The following ATF6 variants were observed in gnomAD, a reference collection of about 807,000 sequenced individuals.
The protein encoded by ATF6 is activating transcription factor 6, also known as cyclic AMP-dependent transcription factor ATF-6 alpha.
Under a neutral mutation model 83.6 loss-of-function variants are expected in ATF6, and 53 were observed. That is an observed-to-expected ratio of 0.63 (90% CI 0.51 to 0.80). ATF6 has a LOEUF of 0.80. ATF6 is among the 30% of genes least tolerant of loss of function. ATF6 has a pLI of 0.00. For synonymous variants in ATF6, 288 were observed against 285.8 expected, an observed-to-expected ratio of 1.01 and a Z score of -0.08; for missense variants, 744 against 797.9, an observed-to-expected ratio of 0.93 and a Z score of 0.81.
chr1:161,788,250 C>G (rs1684793427), intron 4 of ATF6, among the ~76,000 whole-genome samples: 1 of 152,166 alleles, frequency 6.6e-6, no homozygotes, highest in Non-Finnish European at 1.5e-5. Context: ...TACTCCATGG[C>G]ACAATGTGTT....
chr1:161,904,556 C>G (rs1053994877), intron 14 of ATF6, among the ~76,000 whole-genome samples: 1 of 151,884 alleles, frequency 6.6e-6, no homozygotes, highest in Non-Finnish European at 1.5e-5. Context: ...CTACTGTACT[C>G]CAGCCTGGGT....
At chr1:161,851,970 A>G in intron 11 of ATF6, 135 bp downstream of exon 11, 1 of 642,068 alleles carries the variant, frequency 1.6e-6, no homozygotes, top group Non-Finnish European at 2.7e-6. Context: ...CTGTAGGCAT[A>G]TTAGTTGTCC....
At chr1:161,824,632 A>G (rs1237584164) in intron 9 of ATF6, among the ~76,000 whole-genome samples, 2 of 152,244 alleles carry the variant, frequency 1.3e-5, no homozygotes, top group Non-Finnish European at 2.9e-5. Flanking sequence ...TAGTTACTCA[A>G]TAAATACTTG....
At chr1:161,769,759 C>T (rs756260502) in intron 1 of ATF6, among the ~76,000 whole-genome samples, 23 of 152,072 alleles carry the variant, frequency 1.5e-4, no homozygotes, top group Non-Finnish European at 1.8e-4. Flanking sequence ...AAGGAGCGTG[C>T]ACTCTAGATC....
rs1314146658 is a variant in ATF6 at position 161,846,560 on chromosome 1, T to C, written c.1299T>C (p.Ile433=). 1 of 1,605,060 alleles carries C rather than the reference T, an allele frequency of 6.2e-7. No homozygotes were observed. Among genetic ancestry groups the C allele is most frequent in the Admixed American group, 1.7e-5 (1 of 58,708 alleles). Residue 433 remains isoleucine (I), a synonymous_variant, in exon 10 of 16, where the codon ATT becomes ATC. Coordinates refer to ENST00000367942, the MANE Select transcript of ATF6 (RefSeq NM_007348.4). ...AKEAQDTSDG[I]IQKNSYRYDH... is the part of the protein sequence containing the mutation. Reference sequence around the variant, plus strand: ...AGGCACAGGACACATCAGATGGTATTATCCAGAAAAACAGCTACAGGTAAG... The same window carrying C: ...AGGCACAGGACACATCAGATGGTATCATCCAGAAAAACAGCTACAGGTAAG...
At chr1:161,774,218 GCTATGAGAATC>G (rs1684463100) in intron 1 of ATF6, among the ~76,000 whole-genome samples, 1 of 151,920 alleles carries the variant, frequency 6.6e-6, no homozygotes, top group African/African-American at 2.4e-5. Context: ...CTCTTCTGCC[GCTATGAGAATC>G]CTGATTCCCA....
intron 15 of ATF6, among the ~76,000 whole-genome samples, chr1:161,944,952 G>A (rs1688721811): frequency 7.0e-6 from 1 of 143,192 alleles, no homozygotes; most frequent in Non-Finnish European, 1.6e-5. Flanking sequence ...AAGGTTAAAT[G>A]CAGTGTTTGG....
At chr1:161,801,966 G>A (rs1376022300) in intron 6 of ATF6, 86 bp from the exon 7 acceptor site, 39 of 1,228,048 alleles carry the variant, frequency 3.2e-5, no homozygotes, top group African/African-American at 1.3e-4. Context: ...TACCCATTAC[G>A]TCTGCAGAAA....
chr1:161,836,603 T>A (rs1686223387), intron 9 of ATF6, among the ~76,000 whole-genome samples: 1 of 152,232 alleles, frequency 6.6e-6, no homozygotes, highest in African/African-American at 2.4e-5. Context: ...TAATTGGTTC[T>A]CTTTTCTCTG....
chr1:161,819,695 CAAG>C lies in ATF6; in HGVS notation c.981_983del (p.Lys328del). 3 of 1,612,284 alleles carry C rather than the reference CAAG, an allele frequency of 1.9e-6. No homozygotes were observed. Among genetic ancestry groups the C allele is most frequent in the Non-Finnish European group, 2.5e-6 (3 of 1,179,220 alleles). ...ATCGAGAATCCGCTTGTCAGTCTCG[CAAG>C]AAGAAGAAAGAATATATGCTAGGGT... On this transcript the variant is annotated inframe_deletion, in exon 8 of 16. Transcript: ENST00000367942.
At chr1:161,869,171 A>G (rs1687071686) in intron 14 of ATF6, among the ~76,000 whole-genome samples, 1 of 152,102 alleles carries the variant, frequency 6.6e-6, no homozygotes, top group Non-Finnish European at 1.5e-5. Flanking sequence ...TTTCAAAAAT[A>G]GCAATGATAT....
At chr1:161,937,271 G>A (rs1688553457) in intron 15 of ATF6, among the ~76,000 whole-genome samples, 1 of 149,926 alleles carries the variant, frequency 6.7e-6, no homozygotes, top group Non-Finnish European at 1.5e-5. Context: ...GTGAACCCAG[G>A]CAGCGGAGGT....
At position 161,792,141 on chromosome 1, in the gene ATF6, A is replaced by G. The variant is rs1571134518; in HGVS notation, c.502A>G (p.Lys168Glu). ...TTCTCCAGAAAATGGACTGACTCCA[A>G]AGAAAAAAATTCAGGTGAATTCAAA... Reference protein sequence around the residue: ...RNKTENGLTPKKKIQVNSKPS... With the variant: ...RNKTENGLTPEKKIQVNSKPS... The change falls in exon 6 of 16, where the codon AAG (lysine) becomes GAG (glutamate). Residue 168 changes from lysine (K) to glutamate (E), a missense_variant. By Grantham distance (56) the Lys-to-Glu change is moderately conservative. Transcript: ENST00000367942. 1.2e-6 allele frequency: 2 copies of G among 1,613,934 alleles called. No homozygotes were observed. The highest frequency in any genetic ancestry group is 1.3e-5 in the African/African-American group (1 of 75,052).
chr1:161,827,208 G>A (rs922420478), intron 9 of ATF6, among the ~76,000 whole-genome samples: 5 of 152,150 alleles, frequency 3.3e-5, no homozygotes, highest in African/African-American at 4.8e-5. Flanking sequence ...TGGGATTACA[G>A]GTGTGAGCCA....
At chr1:161,851,862 C>A in intron 11 of ATF6, 27 bp downstream of exon 11, 1 of 1,546,916 alleles carries the variant, frequency 6.5e-7, no homozygotes, top group Non-Finnish European at 8.9e-7. Context: ...ATTGCAGAAA[C>A]ATCTGAGTTG....
chr1:161,834,007 A>G, intron 9 of ATF6, among the ~76,000 whole-genome samples: 1 of 152,310 alleles, frequency 6.6e-6, no homozygotes, highest in East Asian at 1.9e-4. Context: ...AGCCAGAGAG[A>G]AAGGTTGGGT....
intron 3 of ATF6, among the ~76,000 whole-genome samples, chr1:161,783,281 C>T (rs1211976228): frequency 6.6e-6 from 1 of 152,098 alleles, no homozygotes; most frequent in African/African-American, 2.4e-5. Context: ...ATCGACTCTA[C>T]TTCTTGGTGG....
intron 5 of ATF6, 75 bp downstream of exon 5, chr1:161,791,612 C>A (rs1156395733): frequency 1.4e-6 from 2 of 1,470,616 alleles, no homozygotes; most frequent in Non-Finnish European, 9.0e-7. Flanking sequence ...AAAGAAAATG[C>A]TGGATTAAAT....
chr1:161,920,294 C>CTCTTTTTTTTTTTT lies in ATF6; in HGVS notation c.1804+7915_1804+7916insCTTTTTTTTTTTTT, dbSNP rs1157916734. ...TAGTTCTCTTTCTCTCTCTCTCTCT[C>CTCTTTTTTTTTTTT]TTTTTTTTTTTTTTTTTTGAGACAG... On this transcript the variant is annotated intron_variant, in intron 15 of 15. Transcript: ENST00000367942. 1.6e-3 allele frequency among the ~76,000 whole-genome samples: 89 copies of CTCTTTTTTTTTTTT among 54,818 alleles called. 1 individual carries two copies. The highest frequency in any genetic ancestry group is 4.0e-3 in the African/African-American group (54 of 13,476). 36.0% of individuals were successfully genotyped at this position (54,818 alleles called of 152,430 possible).
Sources: gnomAD v4.1 joint callset for allele counts (sites outside exome capture counted in the v4.1 genomes callset) on GRCh38, gnomAD v4.1.1 for gene constraint, MANE v1.5 for transcripts, NCBI Gene and HGNC (gene_info 2026-07-23, HGNC 2026-07-21) for gene names.